C1orf21: variants seen among roughly 807,000 people sequenced by gnomAD.
C1orf21 encodes chromosome 1 open reading frame 21.
A neutral mutation model predicts 18.7 loss-of-function variants in C1orf21; 3 were observed. The observed-to-expected ratio is 0.16, with a 90% CI of 0.07 to 0.42. C1orf21 has a LOEUF of 0.42. Among genes scored for constraint, C1orf21 ranks in the 10% least tolerant of loss-of-function variants. The probability of loss-of-function intolerance (pLI) is 0.99; values close to 1 mark genes in which losing one functional copy is unlikely to be tolerated. For missense variants in C1orf21, 104 were observed against 143.6 expected (o/e 0.72, Z 1.41); for synonymous variants, 41 against 46.4 (o/e 0.88, Z 0.47).
In C1orf21 at chr1:184,417,384, GC is replaced by G. The variant is rs1314775391; in HGVS notation, c.-125+30017del. 2.6e-5 allele frequency among the ~76,000 whole-genome samples: 4 copies of G among 152,180 alleles called. No individual in the cohort carries two copies. In the East Asian group the frequency reaches 7.7e-4, roughly 29 times the overall value. On this transcript the variant is annotated intron_variant, in intron 1 of 5. Coordinates refer to ENST00000235307, the MANE Select transcript of C1orf21 (RefSeq NM_030806.4). The stretch of plus-strand genomic sequence containing the variant: ...CCAAAGACATCCATGTGTCAAGATA[GC>G]TCTCAGAGTAGCTACGGAATGCTTG...
chr1:184,557,941 G>T (rs1246576289), intron 3 of C1orf21, among the ~76,000 whole-genome samples: 1 of 152,124 alleles, frequency 6.6e-6, no homozygotes, highest in African/African-American at 2.4e-5. Flanking sequence ...GGGAATTCCT[G>T]TGGAACTTGA....
rs190058619 is a variant in C1orf21, at chr1:184,570,743, G to A, written c.190-19996G>A. On this transcript the variant is annotated intron_variant, in intron 3 of 5. Coordinates refer to ENST00000235307, the MANE Select transcript of C1orf21 (RefSeq NM_030806.4). ...GCTAAGGCAGAACATCTTGCCAGAT[G>A]TAATGAAAGTGGCGTATTCACAGTC... Among the ~76,000 whole-genome samples, 328 of 152,336 alleles carry A rather than the reference G, an allele frequency of 2.2e-3. 1 individual carries two copies. Among genetic ancestry groups the A allele is most frequent in the African/African-American group, 7.8e-3 (324 of 41,576 alleles).
At chr1:184,575,849 A>C (rs570084427) in intron 3 of C1orf21, among the ~76,000 whole-genome samples, 1 of 152,078 alleles carries the variant, frequency 6.6e-6, no homozygotes, top group Non-Finnish European at 1.5e-5. Flanking sequence ...AGCTAGGCTA[A>C]CCAGTGTTTC....
intron 1 of C1orf21, among the ~76,000 whole-genome samples, chr1:184,444,553 TC>T (rs1320164698): frequency 6.6e-6 from 1 of 152,112 alleles, no homozygotes; most frequent in Admixed American, 6.6e-5. Context: ...CTCTTTTTCT[TC>T]CCAGTTTCGG....
intron 1 of C1orf21, among the ~76,000 whole-genome samples, chr1:184,425,472 G>A (rs1284027260): frequency 6.6e-6 from 1 of 151,980 alleles, no homozygotes; most frequent in Non-Finnish European, 1.5e-5. Context: ...GTGGTACCCA[G>A]GCTGATTCCA....
chr1:184,476,321 T>C (rs1001360721), intron 1 of C1orf21, among the ~76,000 whole-genome samples: 4 of 152,162 alleles, frequency 2.6e-5, no homozygotes, highest in African/African-American at 9.7e-5. Context: ...TCAAAGAGGC[T>C]TGATGCCTTC....
chr1:184,524,863 G>C (rs1340999995), intron 3 of C1orf21, among the ~76,000 whole-genome samples: 1 of 152,060 alleles, frequency 6.6e-6, no homozygotes, highest in East Asian at 1.9e-4. Flanking sequence ...TAAATGATGA[G>C]AGAATTGAGC....
At chr1:184,393,969 T>C (rs7415961) in intron 1 of C1orf21, among the ~76,000 whole-genome samples, 40,947 of 152,086 alleles carry the variant, frequency 0.27, 8,299 homozygotes, top group African/African-American at 0.58. Flanking sequence ...TTATGCCAAG[T>C]GAAGATTCTT....
intron 2 of C1orf21, among the ~76,000 whole-genome samples, chr1:184,506,415 G>T (rs1453747784): frequency 1.3e-5 from 2 of 152,140 alleles, no homozygotes; most frequent in Non-Finnish European, 2.9e-5. Context: ...TGGTGTTATA[G>T]ATACTAAGAT....
chr1:184,434,012 A>G (rs966663713), intron 1 of C1orf21, among the ~76,000 whole-genome samples: 1 of 152,148 alleles, frequency 6.6e-6, no homozygotes, highest in Non-Finnish European at 1.5e-5. Context: ...AAAGTGCTCC[A>G]TTCCCAGGGC....
chr1:184,590,623 C>A, intron 3 of C1orf21, 116 bp from the exon 4 acceptor site: 1 of 973,104 alleles, frequency 1.0e-6, no homozygotes, highest in South Asian at 1.6e-5. Flanking sequence ...TGTGAGGTAA[C>A]CAGCCGTAGT....
rs115614262 is a variant in C1orf21, at chr1:184,532,128, T to A, written c.189+24446T>A. 6.9e-3 allele frequency among the ~76,000 whole-genome samples: 1,047 copies of A among 152,118 alleles called. 11 individuals carry two copies. Among genetic ancestry groups the A allele is most frequent in the African/African-American group, 0.024 (1,000 of 41,504 alleles). On this transcript the variant is annotated intron_variant, in intron 3 of 5. Transcript: ENST00000235307. Reference sequence around the variant, plus strand: ...GCCAGAATTTAGCATTGGATAATAATAAAATCTAGATCTGGCATGGCATGG... The same window carrying A: ...GCCAGAATTTAGCATTGGATAATAAAAAAATCTAGATCTGGCATGGCATGG...
chr1:184,604,235 C>A (rs981420307), intron 5 of C1orf21, among the ~76,000 whole-genome samples: 3 of 152,066 alleles, frequency 2.0e-5, no homozygotes, highest in East Asian at 1.9e-4. Flanking sequence ...TGTGTAAAGA[C>A]CTGCTTAGTG....
intron 3 of C1orf21, among the ~76,000 whole-genome samples, chr1:184,520,471 T>C (rs1658291070): frequency 6.6e-6 from 1 of 152,192 alleles, no homozygotes; most frequent in South Asian, 2.1e-4. Context: ...TTTCCTTTGC[T>C]TCTCCTGAGT....
At chr1:184,430,685 CTTCTACAGATTT>C (rs1656725614) in intron 1 of C1orf21, among the ~76,000 whole-genome samples, 1 of 152,186 alleles carries the variant, frequency 6.6e-6, no homozygotes, top group South Asian at 2.1e-4. Context: ...ATACCAGATT[CTTCTACAGATTT>C]TTCATCTTTG....
chr1:184,511,256 G>C (rs1327289927), intron 3 of C1orf21, among the ~76,000 whole-genome samples: 1 of 152,170 alleles, frequency 6.6e-6, no homozygotes, highest in African/African-American at 2.4e-5. Context: ...AATAAGTGCA[G>C]TAACAGAACT....
chr1:184,393,514 C>T (rs1656005016), intron 1 of C1orf21, among the ~76,000 whole-genome samples: 1 of 152,198 alleles, frequency 6.6e-6, no homozygotes, highest in Admixed American at 6.5e-5. Context: ...AGAGCACCCC[C>T]AAGTTTAGGG....
At position 184,516,886 on chromosome 1, in the gene C1orf21, G is replaced by A. The variant is rs115965369; in HGVS notation, c.189+9204G>A. Among the ~76,000 whole-genome samples, 973 of 152,326 alleles carry A rather than the reference G, an allele frequency of 6.4e-3. 4 individuals are homozygous for A. Among genetic ancestry groups the A allele is most frequent in the Middle Eastern group, 0.02 (6 of 294 alleles). On this transcript the variant is annotated intron_variant, in intron 3 of 5. Transcript: ENST00000235307. Reference sequence around the variant, plus strand: ...AATTAGGAGGCATCCCTGATCAGATGAAATGCTTCAGAAGCTCATATGAGC... The same window carrying A: ...AATTAGGAGGCATCCCTGATCAGATAAAATGCTTCAGAAGCTCATATGAGC...
At chr1:184,458,753 A>T (rs186005172) in intron 1 of C1orf21, among the ~76,000 whole-genome samples, 3 of 152,368 alleles carry the variant, frequency 2.0e-5, no homozygotes. Flanking sequence ...ATCTTTAAAA[A>T]AGCAAACTTA....
Sources: allele counts gnomAD v4.1 joint callset (sites outside exome capture counted in the v4.1 genomes callset), GRCh38; gene constraint gnomAD v4.1.1; transcripts MANE v1.5; gene names NCBI Gene and HGNC (gene_info 2026-07-23, HGNC 2026-07-21).